LEMD1: variants seen among roughly 807,000 people sequenced by gnomAD.
LEMD1 encodes the protein LEM domain-containing protein 1.
In LEMD1, 18 loss-of-function variants were observed where a neutral mutation model predicts 17.4. That is an observed-to-expected ratio of 1.04 (90% CI 0.72 to 1.54). The LOEUF (loss-of-function observed/expected upper bound fraction) is 1.54, where lower values mean the gene tolerates loss of function less well. LEMD1 is among the 40% of genes most tolerant of loss of function. LEMD1 has a pLI of 0.00. For synonymous variants in LEMD1, 88 were observed against 77.8 expected, an observed-to-expected ratio of 1.13 and a Z score of -0.69; for missense variants, 195 against 210.4, an observed-to-expected ratio of 0.93 and a Z score of 0.45.
intron 1 of LEMD1, among the ~76,000 whole-genome samples, chr1:205,443,399 G>GA (rs1187827377): frequency 1.3e-5 from 2 of 151,792 alleles, no homozygotes; most frequent in East Asian, 3.9e-4. Context: ...GGGTCCTTTG[G>GA]GGAATTTAAG....
At chr1:205,422,902 T>C (rs149222813), upstream of LEMD1, among the ~76,000 whole-genome samples, 518 of 152,286 alleles carry the variant, frequency 3.4e-3, 2 homozygotes, top group African/African-American at 0.012. Context: ...CTTCACTGTG[T>C]CTCCTCCTCT....
chr1:205,430,992 C>G (rs1401309650), intron 1 of LEMD1, among the ~76,000 whole-genome samples: 1 of 152,176 alleles, frequency 6.6e-6, no homozygotes, highest in Non-Finnish European at 1.5e-5. Context: ...GGGAGAGCGC[C>G]GTCTGCAGGA....
At chr1:205,429,531 T>G (rs1666098304) in intron 1 of LEMD1, among the ~76,000 whole-genome samples, 1 of 152,190 alleles carries the variant, frequency 6.6e-6, no homozygotes, top group South Asian at 2.1e-4. Context: ...ACATCCATTA[T>G]GCCCTCACAC....
chr1:205,411,089 GAAGAAAGAAAA>G (rs1359234654), intron 4 of LEMD1, among the ~76,000 whole-genome samples: 5 of 13,876 alleles, frequency 3.6e-4, no homozygotes, highest in Non-Finnish European at 7.5e-4. Context: ...GAAGGAAAAA[GAAGAAAGAAAA>G]AAGAAAGAAA....
At chr1:205,393,374 C>A (rs1486228938) in intron 4 of LEMD1, among the ~76,000 whole-genome samples, 4 of 29,080 alleles carry the variant, frequency 1.4e-4, no homozygotes, top group Non-Finnish European at 2.9e-4. Context: ...AGTAGAATGG[C>A]TATTAAAAAA....
intron 1 of LEMD1, among the ~76,000 whole-genome samples, chr1:205,449,347 GC>G (rs149570567): frequency 0.023 from 3,427 of 152,194 alleles, 123 homozygotes; most frequent in African/African-American, 0.078. Context: ...GCTCCTGCTA[GC>G]CCAGGCTCAG....
At chr1:205,392,810 G>A (rs73070612) in intron 4 of LEMD1, among the ~76,000 whole-genome samples, 1,952 of 152,248 alleles carry the variant, frequency 0.013, 42 homozygotes, top group African/African-American at 0.044. Flanking sequence ...AATAATGGCT[G>A]AAAATGTCCC....
intron 2 of LEMD1, 106 bp from the exon 3 acceptor site, chr1:205,419,458 T>A (rs2102438330): frequency 7.8e-7 from 1 of 1,288,420 alleles, no homozygotes; most frequent in Non-Finnish European, 1.1e-6. Context: ...AACCCTTACA[T>A]TATTGGTTAA....
At chr1:205,384,190 C>T in intron 5 of LEMD1, 98 bp downstream of exon 5, 1 of 635,448 alleles carries the variant, frequency 1.6e-6, no homozygotes, top group Non-Finnish European at 2.4e-6. Flanking sequence ...AGATTCTTTT[C>T]AGGCTAAACC....
chr1:205,431,710 TTTTC>T (rs137861711), intron 1 of LEMD1, among the ~76,000 whole-genome samples: 11 of 151,840 alleles, frequency 7.2e-5, no homozygotes, highest in East Asian at 3.9e-4. Context: ...ACGGAAGCTT[TTTTC>T]TTTCTTTCTT....
intron 3 of LEMD1, among the ~76,000 whole-genome samples, chr1:205,416,930 C>T (rs1037319210): frequency 6.6e-6 from 1 of 152,124 alleles, no homozygotes; most frequent in Non-Finnish European, 1.5e-5. Context: ...AAATCAAACC[C>T]ACTGATTGTT....
chr1:205,389,598 A>C (rs904472200), intron 4 of LEMD1, among the ~76,000 whole-genome samples: 1 of 152,176 alleles, frequency 6.6e-6, no homozygotes, highest in Non-Finnish European at 1.5e-5. Flanking sequence ...AGAAGTCAGA[A>C]GGCAGGGATG....
chr1:205,419,492 G>A (rs1236181147), intron 2 of LEMD1, 140 bp from the exon 3 acceptor site: 6 of 909,680 alleles, frequency 6.6e-6, no homozygotes, highest in Non-Finnish European at 9.9e-6. Flanking sequence ...TTGAGACAGG[G>A]TCTCACTGTG....
intron 4 of LEMD1, among the ~76,000 whole-genome samples, chr1:205,384,856 A>G (rs1663912326): frequency 1.3e-5 from 2 of 152,122 alleles, no homozygotes; most frequent in Non-Finnish European, 2.9e-5. Context: ...ATGGGATGTC[A>G]GATGATGTTG....
At chr1:205,401,202 G>A (rs1574964517) in intron 4 of LEMD1, among the ~76,000 whole-genome samples, 1 of 151,924 alleles carries the variant, frequency 6.6e-6, no homozygotes, top group African/African-American at 2.4e-5. Context: ...AGTCCTTTGG[G>A]TATATACCCA....
chr1:205,409,183 G>A (rs1434129857), intron 4 of LEMD1, among the ~76,000 whole-genome samples: 5 of 152,098 alleles, frequency 3.3e-5, no homozygotes, highest in Admixed American at 2.0e-4. Flanking sequence ...CATTCAACAC[G>A]CAGGGCTTAC....
intron 4 of LEMD1, among the ~76,000 whole-genome samples, chr1:205,410,359 A>C (rs1375753145): frequency 6.6e-6 from 1 of 152,226 alleles, no homozygotes; most frequent in Non-Finnish European, 1.5e-5. Flanking sequence ...TTCAATAAAT[A>C]GTTATTGACT....
intron 4 of LEMD1, among the ~76,000 whole-genome samples, chr1:205,401,570 T>C (rs1021880867): frequency 7.9e-5 from 12 of 151,848 alleles, no homozygotes; most frequent in Middle Eastern, 3.2e-3. Context: ...TAAATTTGTT[T>C]GAGTTCATTG....
chr1:205,419,977 A>G (rs565724548), intron 2 of LEMD1, among the ~76,000 whole-genome samples: 4 of 152,338 alleles, frequency 2.6e-5, no homozygotes, highest in South Asian at 4.1e-4. Flanking sequence ...AAACAAAAAA[A>G]TTGAACAACA....
Sources: allele counts gnomAD v4.1 joint callset (sites outside exome capture counted in the v4.1 genomes callset), GRCh38; gene constraint gnomAD v4.1.1; transcripts MANE v1.5; gene names NCBI Gene and HGNC (gene_info 2026-07-23, HGNC 2026-07-21).